Variants in RPS6KC1 observed in about 807,000 individuals in gnomAD.
RPS6KC1 encodes the protein ribosomal protein S6 kinase C1.
Under a neutral mutation model 103.8 loss-of-function variants are expected in RPS6KC1, and 54 were observed. The observed-to-expected ratio is 0.52, with a 90% CI of 0.42 to 0.65. The LOEUF (loss-of-function observed/expected upper bound fraction) is 0.65, where lower values mean the gene tolerates loss of function less well. Among genes scored for constraint, RPS6KC1 ranks in the 30% least tolerant of loss-of-function variants. The pLI, the probability that RPS6KC1 is intolerant of heterozygous loss-of-function variation, is 0.00. For missense variants in RPS6KC1, 1,151 were observed against 1,253.8 expected, an observed-to-expected ratio of 0.92 and a Z score of 1.24; for synonymous variants, 439 against 438.7, an observed-to-expected ratio of 1.00 and a Z score of -0.01.
At chr1:213,691,028 C>T in the RPS6KC1 span, among the ~76,000 whole-genome samples, 1 of 151,982 alleles carries the variant, frequency 6.6e-6, no homozygotes, top group Admixed American at 6.6e-5. Flanking sequence ...GTCCCTCATC[C>T]CTCCAGGAAG....
chr1:213,051,510 G>C lies in RPS6KC1; in HGVS notation c.105+1G>C. The stretch of plus-strand genomic sequence containing the variant: ...CACAGTATATAAGGTCACCGCCCGG[G>C]TGAGTGCCGGTGTCGGGCTGGGGTA... On this transcript the variant is annotated splice_donor_variant, in intron 1 of 14. Transcript: ENST00000366960. LOFTEE classifies it high-confidence loss of function. 1 of 1,602,792 alleles carries C rather than the reference G, an allele frequency of 6.2e-7. No homozygotes were observed. The highest frequency in any genetic ancestry group is 2.2e-5 in the East Asian group (1 of 44,472).
chr1:213,825,339 A>G, the RPS6KC1 span, among the ~76,000 whole-genome samples: 2 of 152,328 alleles, frequency 1.3e-5, no homozygotes, highest in African/African-American at 2.4e-5. Context: ...ACCTGGATAC[A>G]GAAAGATTTA....
the RPS6KC1 span, among the ~76,000 whole-genome samples, chr1:213,689,986 A>G: frequency 5.3e-5 from 8 of 152,056 alleles, no homozygotes; most frequent in Non-Finnish European, 1.0e-4. Flanking sequence ...CCAGCTCCAC[A>G]TTTCCAAGCT....
the RPS6KC1 span, among the ~76,000 whole-genome samples, chr1:213,383,773 A>G: frequency 6.7e-6 from 1 of 148,542 alleles, no homozygotes; most frequent in East Asian, 2.0e-4. Flanking sequence ...ACACGCACAC[A>G]GGGAAAGGCC....
the RPS6KC1 span, among the ~76,000 whole-genome samples, chr1:213,280,395 G>A: frequency 6.6e-6 from 1 of 152,212 alleles, no homozygotes; most frequent in East Asian, 1.9e-4. Context: ...GACTTGTATA[G>A]TGTTGGGTTT....
At chr1:213,514,618 C>G in the RPS6KC1 span, among the ~76,000 whole-genome samples, 11 of 152,146 alleles carry the variant, frequency 7.2e-5, no homozygotes, top group Non-Finnish European at 2.9e-5. Context: ...TTTTCTTAAT[C>G]CAGTCTATCG....
the RPS6KC1 span, among the ~76,000 whole-genome samples, chr1:213,391,514 AT>A: frequency 6.6e-6 from 1 of 152,134 alleles, no homozygotes; most frequent in Non-Finnish European, 1.5e-5. Context: ...CATTGGAATA[AT>A]TTTTTGGTCA....
chr1:213,750,534 T>C, the RPS6KC1 span, among the ~76,000 whole-genome samples: 2 of 152,066 alleles, frequency 1.3e-5, no homozygotes, highest in South Asian at 4.2e-4. Context: ...AGAATAAGGA[T>C]GGATATATGA....
the RPS6KC1 span, among the ~76,000 whole-genome samples, chr1:213,645,150 T>A: frequency 6.6e-6 from 1 of 152,144 alleles, no homozygotes; most frequent in African/African-American, 2.4e-5. Context: ...GTCTGGGATG[T>A]AGTAAACACA....
chr1:213,498,841 G>A, the RPS6KC1 span, among the ~76,000 whole-genome samples: 37,767 of 148,888 alleles, frequency 0.25, 5,406 homozygotes, highest in Middle Eastern at 0.38. Flanking sequence ...GTGCAGTGGC[G>A]TGATCTTGGC....
intron 10 of RPS6KC1, 107 bp downstream of exon 10, chr1:213,232,362 A>AGAATATAT: frequency 7.1e-7 from 1 of 1,414,000 alleles, no homozygotes; most frequent in East Asian, 2.3e-5. Context: ...AACACGTTTA[A>AGAATATAT]GAAACCATTT....
the RPS6KC1 span, among the ~76,000 whole-genome samples, chr1:213,428,522 T>TTCTCTCTC: frequency 2.0e-4 from 9 of 45,842 alleles, no homozygotes; most frequent in South Asian, 1.2e-3. Context: ...TCCTTCCTCT[T>TTCTCTCTC]TCTCTCTCTC....
chr1:213,517,676 G>T, the RPS6KC1 span, among the ~76,000 whole-genome samples: 2 of 152,142 alleles, frequency 1.3e-5, no homozygotes, highest in Non-Finnish European at 2.9e-5. Context: ...GAATAGGTGT[G>T]GTGTGGTGCT....
the RPS6KC1 span, among the ~76,000 whole-genome samples, chr1:213,517,488 C>G: frequency 9.4e-3 from 1,433 of 152,170 alleles, 30 homozygotes; most frequent in African/African-American, 0.032. Context: ...CGTTATGTAC[C>G]CAGTAGTCAT....
chr1:213,181,784 A>G (rs1337625506), intron 8 of RPS6KC1, among the ~76,000 whole-genome samples: 1 of 152,218 alleles, frequency 6.6e-6, no homozygotes, highest in African/African-American at 2.4e-5. Context: ...TCTCAGATGA[A>G]GAAATGCAAA....
intron 8 of RPS6KC1, among the ~76,000 whole-genome samples, chr1:213,191,905 T>A (rs1424009165): frequency 6.6e-6 from 1 of 152,096 alleles, no homozygotes; most frequent in Non-Finnish European, 1.5e-5. Flanking sequence ...GCCTCCCATG[T>A]TCGAGCGATT....
chr1:213,817,299 G>T, the RPS6KC1 span, among the ~76,000 whole-genome samples: 1 of 152,218 alleles, frequency 6.6e-6, no homozygotes, highest in Non-Finnish European at 1.5e-5. Context: ...CAGGAGGCAG[G>T]GCCATTCAGA....
At chr1:213,501,707 C>G in the RPS6KC1 span, among the ~76,000 whole-genome samples, 7 of 149,222 alleles carry the variant, frequency 4.7e-5, no homozygotes, top group African/African-American at 1.7e-4. Flanking sequence ...TGCACCCCAG[C>G]CTGGGCTACA....
chr1:213,626,988 T>C, the RPS6KC1 span, among the ~76,000 whole-genome samples: 1 of 152,206 alleles, frequency 6.6e-6, no homozygotes, highest in Admixed American at 6.5e-5. Flanking sequence ...TTGATAGGGA[T>C]AGCATTGAAT....
Sources: allele counts gnomAD v4.1 joint callset (sites outside exome capture counted in the v4.1 genomes callset), GRCh38; gene constraint gnomAD v4.1.1; transcripts MANE v1.5; gene names NCBI Gene and HGNC (gene_info 2026-07-23, HGNC 2026-07-21).